Variants in PRDM16 observed in about 807,000 individuals in gnomAD.
The protein encoded by PRDM16 is histone-lysine N-methyltransferase PRDM16.
In PRDM16, 23 loss-of-function variants were observed where a neutral mutation model predicts 110.6. The observed-to-expected ratio is 0.21, with a 90% CI of 0.15 to 0.29. PRDM16 has a LOEUF of 0.29. Among genes scored for constraint, PRDM16 ranks in the 10% least tolerant of loss-of-function variants. PRDM16 has a pLI of 1.00. For synonymous variants in PRDM16, 799 were observed against 781.8 expected, an observed-to-expected ratio of 1.02 and a Z score of -0.37; for missense variants, 1,615 against 1,794.3, an observed-to-expected ratio of 0.90 and a Z score of 1.81.
rs377763383 is a variant in PRDM16, at chr1:3,095,551, C to T, written c.37+26255C>T. Among the ~76,000 whole-genome samples, 25 of 152,262 alleles carry T rather than the reference C, an allele frequency of 1.6e-4. No homozygotes were observed. In the East Asian group the frequency reaches 4.5e-3, roughly 27 times the overall value. On this transcript the variant is annotated intron_variant, in intron 1 of 16. Coordinates refer to ENST00000270722, the MANE Select transcript of PRDM16 (RefSeq NM_022114.4). ...CCTCATGGGGGGCCGGGCTCAGCTG[C>T]TGGTCCTCCCTAGTGCCCCCTGGAC...
intron 2 of PRDM16, among the ~76,000 whole-genome samples, chr1:3,228,861 A>T (rs1305451390): frequency 6.6e-6 from 1 of 152,046 alleles, no homozygotes. Context: ...CTGAGCCATC[A>T]CCGCCACGGG....
At position 3,350,109 on chromosome 1, in the gene PRDM16, G is replaced by A. The variant is rs1039347678; in HGVS notation, c.439-35043G>A. On this transcript the variant is annotated intron_variant, in intron 3 of 16. Coordinates refer to ENST00000270722, the MANE Select transcript of PRDM16 (RefSeq NM_022114.4). This position sits in a 1 kb window ranked among gnomAD's most constrained non-coding sequence, Gnocchi z 7.1. ...GCACCTTGGGAGGCCAAGGCGGGAGGAAGCCCAGAAGTTTGAGGCCAGCCT... is the reference window on the plus strand; with the variant it reads ...GCACCTTGGGAGGCCAAGGCGGGAGAAAGCCCAGAAGTTTGAGGCCAGCCT... Among the ~76,000 whole-genome samples the A allele has an allele frequency of 6.6e-6, 1 of 152,198 alleles. No individual in the cohort carries two copies. The highest frequency in any genetic ancestry group is 2.4e-5 in the African/African-American group (1 of 41,452).
At chr1:3,413,459 C>G (rs1346355397) in intron 9 of PRDM16, among the ~76,000 whole-genome samples, 1 of 152,220 alleles carries the variant, frequency 6.6e-6, no homozygotes, top group East Asian at 1.9e-4. Flanking sequence ...TAATGCCACT[C>G]CCTAATTTCT....
At chr1:3,225,013 C>A (rs545367992) in intron 2 of PRDM16, among the ~76,000 whole-genome samples, 1 of 152,240 alleles carries the variant, frequency 6.6e-6, no homozygotes, top group Non-Finnish European at 1.5e-5. Context: ...CCATTTGTTG[C>A]GTTCCTCCTG....
In PRDM16 at chr1:3,382,615, G is replaced by A. The variant is rs559390232; in HGVS notation, c.439-2537G>A. 7.2e-5 allele frequency among the ~76,000 whole-genome samples: 11 copies of A among 152,284 alleles called. No homozygotes were observed. Among genetic ancestry groups the A allele is most frequent in the Non-Finnish European group, 1.0e-4 (7 of 68,020 alleles). On this transcript the variant is annotated intron_variant, in intron 3 of 16. Coordinates refer to ENST00000270722, the MANE Select transcript of PRDM16 (RefSeq NM_022114.4). The surrounding 1 kb of genome is among the most constrained non-coding windows in gnomAD (Gnocchi z 6.6). Reference sequence around the variant, plus strand: ...AGGTGTTGGCTGAGCCCATGTCTTGGGTGCATTAGGGGTGAGTCCTGCCTC... The same window carrying A: ...AGGTGTTGGCTGAGCCCATGTCTTGAGTGCATTAGGGGTGAGTCCTGCCTC...
chr1:3,163,670 G>A (rs1260711976), intron 1 of PRDM16, among the ~76,000 whole-genome samples: 2 of 152,148 alleles, frequency 1.3e-5, no homozygotes, highest in South Asian at 2.1e-4. Flanking sequence ...CCCTTGTCCC[G>A]GCCTCCTTCT....
chr1:3,105,044 G>A (rs954526702), intron 1 of PRDM16, among the ~76,000 whole-genome samples: 1 of 152,140 alleles, frequency 6.6e-6, no homozygotes, highest in Non-Finnish European at 1.5e-5. Flanking sequence ...GTGCTGGAGA[G>A]GAGCGGGGGG....
chr1:3,367,307 T>C (rs560871204), intron 3 of PRDM16, among the ~76,000 whole-genome samples: 3 of 152,256 alleles, frequency 2.0e-5, no homozygotes, highest in African/African-American at 7.2e-5. Flanking sequence ...CAAGCATCTT[T>C]AGTGTTTGCG....
At chr1:3,073,940 C>G (rs371155030) in intron 1 of PRDM16, among the ~76,000 whole-genome samples, 1 of 152,302 alleles carries the variant, frequency 6.6e-6, no homozygotes, top group East Asian at 1.9e-4. Context: ...GGCGCCAGGC[C>G]CCCCGCTTGC....
chr1:3,108,642 C>T (rs1043996895), intron 1 of PRDM16, among the ~76,000 whole-genome samples: 3 of 152,154 alleles, frequency 2.0e-5, no homozygotes, highest in Non-Finnish European at 1.5e-5. Context: ...GTGGAGGAAA[C>T]CAAGGCACAG....
At chr1:3,356,405 G>C (rs1455683598) in intron 3 of PRDM16, among the ~76,000 whole-genome samples, 2 of 152,302 alleles carry the variant, frequency 1.3e-5, no homozygotes, top group Admixed American at 6.5e-5. Context: ...CCGACGCCGT[G>C]TCCACACCCA....
rs528949831 is a variant in PRDM16 at position 3,144,640 on chromosome 1, C to T, written c.38-41485C>T. Among the ~76,000 whole-genome samples, 29 of 152,266 alleles carry T rather than the reference C, an allele frequency of 1.9e-4. No homozygotes were observed. The East Asian group carries it at 4.1e-3, about 21-fold the overall frequency. On this transcript the variant is annotated intron_variant, in intron 1 of 16. Coordinates refer to ENST00000270722, the MANE Select transcript of PRDM16 (RefSeq NM_022114.4). ...CCTGCGAGATGGTGCTCTGTGTGCC[C>T]GCGTTCAGGAGAGGAAACCAAGGCG...
At chr1:3,413,554 C>G (rs1643730861) in intron 9 of PRDM16, among the ~76,000 whole-genome samples, 1 of 152,176 alleles carries the variant, frequency 6.6e-6, no homozygotes, top group Admixed American at 6.5e-5. Flanking sequence ...CCACCAGCAC[C>G]TGTCCCTGTG....
intron 5 of PRDM16, among the ~76,000 whole-genome samples, chr1:3,398,408 C>G (rs1006745867): frequency 6.6e-6 from 1 of 152,232 alleles, no homozygotes; most frequent in Non-Finnish European, 1.5e-5. Flanking sequence ...CCCCAATAGC[C>G]GCCTCCCCCA....
intron 4 of PRDM16, among the ~76,000 whole-genome samples, chr1:3,385,549 GT>G (rs1488444838): frequency 1.3e-5 from 2 of 152,202 alleles, no homozygotes. Context: ...CGAGATGGTG[GT>G]TCAGGTGGAA....
intron 1 of PRDM16, among the ~76,000 whole-genome samples, chr1:3,181,960 A>G (rs1314829181): frequency 6.6e-6 from 1 of 151,966 alleles, no homozygotes; most frequent in East Asian, 1.9e-4. Context: ...AGTCTTACAC[A>G]TGCCTTACAC....
At chr1:3,092,226 G>A (rs1053273975) in intron 1 of PRDM16, among the ~76,000 whole-genome samples, 1 of 152,206 alleles carries the variant, frequency 6.6e-6, no homozygotes, top group African/African-American at 2.4e-5. Flanking sequence ...CTGCAGCAGG[G>A]CCCAACCCCA....
At chr1:3,419,445 A>G (rs1638370334) in intron 12 of PRDM16, among the ~76,000 whole-genome samples, 1 of 152,162 alleles carries the variant, frequency 6.6e-6, no homozygotes, top group African/African-American at 2.4e-5. Context: ...CATTTCAAAG[A>G]TGAGGGGCCC....
intron 3 of PRDM16, among the ~76,000 whole-genome samples, chr1:3,268,699 G>T (rs1298555949): frequency 1.3e-5 from 2 of 152,326 alleles, no homozygotes; most frequent in Admixed American, 6.5e-5. Flanking sequence ...GGGAACCCCA[G>T]AGTTCCCTGA....
Sources: gnomAD v4.1 joint callset for allele counts (sites outside exome capture counted in the v4.1 genomes callset) on GRCh38, gnomAD v4.1.1 for gene constraint, Gnocchi (gnomAD v3.1) non-coding constraint, MANE v1.5 for transcripts, NCBI Gene and HGNC (gene_info 2026-07-23, HGNC 2026-07-21) for gene names.